The following NDNF variants were observed in gnomAD, a reference collection of about 807,000 sequenced individuals.
NDNF encodes protein NDNF.
NDNF carries 16 observed loss-of-function variants against 42.0 expected under a neutral mutation model. That is an observed-to-expected ratio of 0.38 (90% CI 0.26 to 0.58). NDNF has a LOEUF of 0.58. Ranked by LOEUF, NDNF falls within the 20% of genes least tolerant of loss-of-function variation. The pLI, the probability that NDNF is intolerant of heterozygous loss-of-function variation, is 0.67. For missense variants in NDNF, 616 were observed against 666.2 expected, an observed-to-expected ratio of 0.92 and a Z score of 0.83; for synonymous variants, 248 against 251.7, an observed-to-expected ratio of 0.99 and a Z score of 0.14.
intron 1 of NDNF, among the ~76,000 whole-genome samples, chr4:121,061,748 GT>G (rs1727413311): frequency 6.6e-6 from 1 of 151,830 alleles, no homozygotes; most frequent in Admixed American, 6.6e-5. Context: ...ATTTATTCAA[GT>G]TTTGAAACAG....
At chr4:121,048,354 C>A (rs1350633743) in intron 1 of NDNF, among the ~76,000 whole-genome samples, 1 of 152,152 alleles carries the variant, frequency 6.6e-6, no homozygotes, top group Non-Finnish European at 1.5e-5. Flanking sequence ...CTCCTTAGGC[C>A]CCATGTTTGC....
chr4:121,040,072 A>G lies in NDNF; in HGVS notation c.189-18T>C, dbSNP rs749241825. ...AGAAATACCTGTGGGAAAGTGGACCACTTTAGACCGTGGTAATTCTTTCTA... is the reference window on the plus strand; with the variant it reads ...AGAAATACCTGTGGGAAAGTGGACCGCTTTAGACCGTGGTAATTCTTTCTA... On this transcript the variant is annotated intron_variant, in intron 2 of 3. Transcript: ENST00000379692. 6.2e-6 allele frequency: 10 copies of G among 1,607,956 alleles called. No homozygotes were observed. The highest frequency in any genetic ancestry group is 8.5e-6 in the Non-Finnish European group (10 of 1,177,508).
chr4:121,049,574 C>T (rs750984285), intron 1 of NDNF, among the ~76,000 whole-genome samples: 2 of 152,200 alleles, frequency 1.3e-5, no homozygotes, highest in Non-Finnish European at 2.9e-5. Context: ...ATCCATGAAA[C>T]TATGACAGAC....
At chr4:121,048,497 T>G (rs1727132597) in intron 1 of NDNF, among the ~76,000 whole-genome samples, 1 of 152,196 alleles carries the variant, frequency 6.6e-6, no homozygotes, top group African/African-American at 2.4e-5. Context: ...TTTCCCTGCA[T>G]CCTCAACTGC....
At chr4:121,040,133 G>A in intron 2 of NDNF, 79 bp from the exon 3 acceptor site, 2 of 1,349,106 alleles carry the variant, frequency 1.5e-6, no homozygotes, top group Non-Finnish European at 2.0e-6. Context: ...AAAATCATTT[G>A]GTTTTAATTT....
chr4:121,070,862 G>A (rs964470581), intron 1 of NDNF, among the ~76,000 whole-genome samples: 5 of 152,210 alleles, frequency 3.3e-5, no homozygotes, highest in African/African-American at 1.2e-4. Context: ...CCCGAAGGGG[G>A]CCAGGAGGGG....
intron 1 of NDNF, among the ~76,000 whole-genome samples, chr4:121,051,170 C>T (rs1727187813): frequency 6.6e-6 from 1 of 152,020 alleles, no homozygotes; most frequent in Admixed American, 6.5e-5. Flanking sequence ...ACTATACAAC[C>T]CAAGAGATAT....
chr4:121,067,132 G>A (rs1361028254), intron 1 of NDNF, among the ~76,000 whole-genome samples: 2 of 152,278 alleles, frequency 1.3e-5, no homozygotes, highest in African/African-American at 2.4e-5. Context: ...CCAATCACGC[G>A]TAATCATATT....
intron 2 of NDNF, among the ~76,000 whole-genome samples, chr4:121,040,969 T>C (rs1726988225): frequency 6.6e-6 from 1 of 152,210 alleles, no homozygotes; most frequent in South Asian, 2.1e-4. Context: ...TGGAATCGCA[T>C]TATCTAATCA....
intron 1 of NDNF, among the ~76,000 whole-genome samples, chr4:121,046,439 A>G (rs937327937): frequency 4.6e-5 from 7 of 152,218 alleles, no homozygotes; most frequent in Admixed American, 4.6e-4. Context: ...TGCTTTTTCC[A>G]AGATCAAATT....
chr4:121,070,792 C>T (rs1460455031), intron 1 of NDNF, among the ~76,000 whole-genome samples: 1 of 152,152 alleles, frequency 6.6e-6, no homozygotes, highest in African/African-American at 2.4e-5. Context: ...GGTTCATTTC[C>T]CGCTCAAGGT....
At chr4:121,059,275 G>T (rs1204249456) in intron 1 of NDNF, among the ~76,000 whole-genome samples, 3 of 152,162 alleles carry the variant, frequency 2.0e-5, no homozygotes, top group African/African-American at 7.2e-5. Context: ...TGACCACAGA[G>T]CCCAACATTA....
At chr4:121,051,260 G>C (rs554890400) in intron 1 of NDNF, among the ~76,000 whole-genome samples, 1 of 152,266 alleles carries the variant, frequency 6.6e-6, no homozygotes, top group South Asian at 2.1e-4. Context: ...CAGTTTTAAA[G>C]AAAATGTCAG....
chr4:121,055,384 G>C (rs927747382), intron 1 of NDNF, among the ~76,000 whole-genome samples: 15 of 152,036 alleles, frequency 9.9e-5, no homozygotes. Context: ...AGAATGTGCT[G>C]GTAAGTTGGA....
chr4:121,039,828 C>T, intron 3 of NDNF, 102 bp downstream of exon 3: 4 of 1,353,124 alleles, frequency 3.0e-6, no homozygotes, highest in Non-Finnish European at 4.0e-6. Flanking sequence ...CACTTGTGCA[C>T]CCATGCTGCC....
At chr4:121,048,301 G>A (rs1408577127) in intron 1 of NDNF, among the ~76,000 whole-genome samples, 5 of 152,290 alleles carry the variant, frequency 3.3e-5, no homozygotes, top group East Asian at 1.9e-4. Context: ...ACTTGAAAGC[G>A]AGATACACAG....
intron 3 of NDNF, among the ~76,000 whole-genome samples, chr4:121,039,544 T>G (rs893126181): frequency 1.3e-5 from 2 of 151,896 alleles, no homozygotes; most frequent in African/African-American, 4.8e-5. Context: ...GGAGTGTGGC[T>G]AAAAATCCCA....
chr4:121,069,710 C>A (rs915530471), intron 1 of NDNF, among the ~76,000 whole-genome samples: 1 of 152,160 alleles, frequency 6.6e-6, no homozygotes, highest in Non-Finnish European at 1.5e-5. Flanking sequence ...ATGAACTGTG[C>A]AGAGAAGGAC....
chr4:121,037,279 A>C lies in NDNF; in HGVS notation c.692T>G (p.Leu231Arg), dbSNP rs1456444162. The C allele has an allele frequency of 6.2e-7, 1 of 1,614,026 alleles. No individual in the cohort carries two copies. The highest frequency in any genetic ancestry group is 8.5e-7 in the Non-Finnish European group (1 of 1,180,026). Residue 231 changes from leucine (L) to arginine (R), a missense_variant, in exon 4 of 4, where the codon CTG (leucine) becomes CGG (arginine). By Grantham distance (102) the Leu-to-Arg change is moderately radical (BLOSUM62 -2). Coordinates refer to ENST00000379692, the MANE Select transcript of NDNF (RefSeq NM_024574.4). ...CATCATAAAAGCATCATCTGCACTC[A>C]GTTTTGCTTCCACTGCACAGAGACT... ...FKSLCAVEAK[L>R]SADDAFMMAP...
Sources: gnomAD v4.1 joint callset for allele counts (sites outside exome capture counted in the v4.1 genomes callset) on GRCh38, gnomAD v4.1.1 for gene constraint, MANE v1.5 for transcripts, NCBI Gene and HGNC (gene_info 2026-07-23, HGNC 2026-07-21) for gene names.